GDPD1: variants seen among roughly 807,000 people sequenced by gnomAD.
The protein encoded by GDPD1 is lysophospholipase D GDPD1.
GDPD1 carries 28 observed loss-of-function variants against 45.1 expected under a neutral mutation model. That is an observed-to-expected ratio of 0.62 (90% CI 0.46 to 0.85). GDPD1 has a LOEUF of 0.85. Ranked by LOEUF, GDPD1 falls within the 40% of genes least tolerant of loss-of-function variation. The probability of loss-of-function intolerance (pLI) is 0.00; values close to 1 mark genes in which losing one functional copy is unlikely to be tolerated. For synonymous variants in GDPD1, 139 were observed against 131.4 expected, an observed-to-expected ratio of 1.06 and a Z score of -0.40; for missense variants, 256 against 364.8, an observed-to-expected ratio of 0.70 and a Z score of 2.43.
intron 2 of GDPD1, among the ~76,000 whole-genome samples, chr17:59,238,361 C>T (rs2047150256): frequency 6.6e-6 from 1 of 151,108 alleles, no homozygotes; most frequent in South Asian, 2.1e-4. Flanking sequence ...TTATAACATG[C>T]TTTCACAAAC....
At chr17:59,243,955 A>G (rs1597973453) in intron 2 of GDPD1, among the ~76,000 whole-genome samples, 1 of 152,286 alleles carries the variant, frequency 6.6e-6, no homozygotes, top group East Asian at 1.9e-4. Context: ...AGTGGCGGTG[A>G]ATCCATAGAG....
At chr17:59,271,939 C>T (rs539232009) in intron 8 of GDPD1, among the ~76,000 whole-genome samples, 17 of 151,992 alleles carry the variant, frequency 1.1e-4, no homozygotes, top group Non-Finnish European at 2.4e-4. Context: ...CCAGCCTTAA[C>T]GCCTTTTTCA....
chr17:59,221,540 A>G (rs1023634715), intron 1 of GDPD1, among the ~76,000 whole-genome samples: 1 of 151,852 alleles, frequency 6.6e-6, no homozygotes, highest in African/African-American at 2.4e-5. Flanking sequence ...ACAGGACAGT[A>G]TTGTTTAAAG....
At chr17:59,267,518 C>T (rs1459734763) in intron 7 of GDPD1, among the ~76,000 whole-genome samples, 3 of 151,966 alleles carry the variant, frequency 2.0e-5, no homozygotes, top group African/African-American at 7.2e-5. Flanking sequence ...ACAGCTTTAC[C>T]CAGCTCAAAT....
chr17:59,243,550 C>T (rs966428270), intron 2 of GDPD1, among the ~76,000 whole-genome samples: 12 of 151,922 alleles, frequency 7.9e-5, no homozygotes, highest in Non-Finnish European at 1.8e-4. Flanking sequence ...GGGCAGTTCT[C>T]CCTCTGGGTT....
At chr17:59,257,888 G>T in intron 6 of GDPD1, 48 bp downstream of exon 6, 1 of 1,233,960 alleles carries the variant, frequency 8.1e-7, no homozygotes, top group Non-Finnish European at 1.2e-6. Flanking sequence ...TTGTTGTTTT[G>T]TATCTACAAA....
intron 1 of GDPD1, among the ~76,000 whole-genome samples, chr17:59,230,513 G>A (rs2147875909): frequency 6.6e-6 from 1 of 151,246 alleles, no homozygotes; most frequent in Non-Finnish European, 1.5e-5. Context: ...CTCTCGAGTA[G>A]CTGGGATTAC....
At chr17:59,230,508 G>A (rs1310002875) in intron 1 of GDPD1, among the ~76,000 whole-genome samples, 3 of 149,880 alleles carry the variant, frequency 2.0e-5, no homozygotes, top group Admixed American at 6.7e-5. Context: ...TCAGCCTCTC[G>A]AGTAGCTGGG....
chr17:59,232,855 C>A (rs1364009407), intron 1 of GDPD1, among the ~76,000 whole-genome samples: 1 of 151,712 alleles, frequency 6.6e-6, no homozygotes, highest in African/African-American at 2.4e-5. Context: ...CTTCCTGGTC[C>A]TTCAACTACT....
rs1299773028 is a variant in GDPD1, at chr17:59,234,498, G to C, written c.149G>C (p.Gly50Ala). Reference sequence around the variant, plus strand: ...ATAGTTTAAATTTTCACAGGTGCTGGAGAAAATTTGGAGAATACAATGGCA... The same window carrying C: ...ATAGTTTAAATTTTCACAGGTGCTGCAGAAAATTTGGAGAATACAATGGCA... ...SKHISHRGGAGENLENTMAAF... is the reference protein window; with the variant it reads ...SKHISHRGGAAENLENTMAAF... The change falls in exon 2 of 10, where the codon GGA (glycine) becomes GCA (alanine). Residue 50 changes from glycine to alanine, a missense_variant. Gly to Ala is a moderately conservative substitution (Grantham distance 60). Coordinates refer to ENST00000284116, the MANE Select transcript of GDPD1 (RefSeq NM_182569.4). 5 of 1,595,296 alleles carry C rather than the reference G, an allele frequency of 3.1e-6. No homozygotes were observed. In the African/African-American group the frequency reaches 6.7e-5, roughly 21 times the overall value.
rs1597984441 is a variant in GDPD1 at position 59,257,677 on chromosome 17, C to T, written c.487-74C>T. Reference sequence around the variant, plus strand: ...CATTCACAGATAGTCAATTCTAATTCATTTTTTAAGTGAAATGTTGTTAGT... The same window carrying T: ...CATTCACAGATAGTCAATTCTAATTTATTTTTTAAGTGAAATGTTGTTAGT... On this transcript the variant is annotated intron_variant, in intron 5 of 9. Coordinates refer to ENST00000284116, the MANE Select transcript of GDPD1 (RefSeq NM_182569.4). 19 of 887,776 alleles carry T rather than the reference C, an allele frequency of 2.1e-5. No individual in the cohort carries two copies. In the East Asian group the frequency reaches 4.6e-4, roughly 21 times the overall value. 55.0% of individuals were successfully genotyped at this position (887,776 alleles called of 1,614,324 possible).
In GDPD1 at chr17:59,248,758, G is replaced by T; in HGVS notation, c.340G>T (p.Gly114Cys). The T allele has an allele frequency of 6.2e-7, 1 of 1,602,448 alleles. No individual in the cohort carries two copies. The highest frequency in any genetic ancestry group is 2.3e-5 in the East Asian group (1 of 44,308). Residue 114 changes from glycine to cysteine, a missense_variant, in exon 4 of 10, where the codon GGC (glycine) becomes TGC (cysteine). Physicochemically the swap from Gly to Cys is radical, Grantham distance 159. Coordinates refer to ENST00000284116, the MANE Select transcript of GDPD1 (RefSeq NM_182569.4). ...TTTAAAGGAGCTCCCACCTTACCTT[G>T]GCAAACTGGATGTCTCATTTCAAAG... ...LKYCELPPYL[G>C]KLDVSFQRAC...
chr17:59,265,270 C>G (rs1459701695), intron 6 of GDPD1, among the ~76,000 whole-genome samples: 2 of 151,914 alleles, frequency 1.3e-5, no homozygotes, highest in African/African-American at 4.8e-5. Context: ...CATGGTAGCT[C>G]ACGCTTGTCA....
chr17:59,229,093 A>T (rs1026100021), intron 1 of GDPD1, among the ~76,000 whole-genome samples: 1 of 149,476 alleles, frequency 6.7e-6, no homozygotes, highest in East Asian at 1.9e-4. Flanking sequence ...AAAAAATAAC[A>T]TGAGGAAAAA....
At chr17:59,233,279 T>A (rs367589876) in intron 1 of GDPD1, among the ~76,000 whole-genome samples, 10 of 152,036 alleles carry the variant, frequency 6.6e-5, no homozygotes, top group African/African-American at 2.4e-4. Context: ...TTTGGGAGGC[T>A]GAAGCGGGTG....
At chr17:59,252,169 T>A in intron 4 of GDPD1, among the ~76,000 whole-genome samples, 1 of 151,968 alleles carries the variant, frequency 6.6e-6, no homozygotes, top group Non-Finnish European at 1.5e-5. Flanking sequence ...GGCAGGTGGA[T>A]CACTTGAGGT....
intron 6 of GDPD1, among the ~76,000 whole-genome samples, chr17:59,266,607 T>A (rs1259061109): frequency 6.6e-6 from 1 of 152,140 alleles, no homozygotes; most frequent in Non-Finnish European, 1.5e-5. Flanking sequence ...ATGACACATT[T>A]GCAACAGTAT....
At chr17:59,248,613 G>C (rs1227417590) in intron 3 of GDPD1, 127 bp from the exon 4 acceptor site, 1 of 630,652 alleles carries the variant, frequency 1.6e-6, no homozygotes, top group African/African-American at 1.8e-5. Flanking sequence ...GTTCTGCTAA[G>C]GGTGCCTAGT....
intron 1 of GDPD1, among the ~76,000 whole-genome samples, chr17:59,231,967 G>T (rs75636476): frequency 6.6e-6 from 1 of 152,136 alleles, no homozygotes; most frequent in Non-Finnish European, 1.5e-5. Flanking sequence ...AGGATGTCTT[G>T]TATACTGTTG....
Sources: allele counts gnomAD v4.1 joint callset (sites outside exome capture counted in the v4.1 genomes callset), GRCh38; gene constraint gnomAD v4.1.1; transcripts MANE v1.5; gene names NCBI Gene and HGNC (gene_info 2026-07-23, HGNC 2026-07-21).